C5: variants seen among roughly 807,000 people sequenced by gnomAD.
C5 encodes the protein complement C5, also known as C3 and PZP-like alpha-2-macroglobulin domain-containing protein 4.
Under a neutral mutation model 218.8 loss-of-function variants are expected in C5, and 140 were observed. The observed-to-expected ratio is 0.64, with a 90% CI of 0.56 to 0.74. The LOEUF (loss-of-function observed/expected upper bound fraction) is 0.74. Among genes scored for constraint, C5 ranks in the 30% least tolerant of loss-of-function variants. The probability of loss-of-function intolerance (pLI) is 0.00; values close to 1 mark genes in which losing one functional copy is unlikely to be tolerated. For synonymous variants in C5, 614 were observed against 682.3 expected (o/e 0.90, Z 1.56); for missense variants, 1,700 against 1,969.6 (o/e 0.86, Z 2.59).
intron 19 of C5, among the ~76,000 whole-genome samples, chr9:121,006,388 C>T (rs2047215859): frequency 6.6e-6 from 1 of 152,044 alleles, no homozygotes; most frequent in Non-Finnish European, 1.5e-5. Flanking sequence ...ATTGTGGAAA[C>T]CAAGATTTTA....
At chr9:121,067,472 G>A in the C5 span, among the ~76,000 whole-genome samples, 1 of 151,824 alleles carries the variant, frequency 6.6e-6, no homozygotes, top group South Asian at 2.1e-4. Flanking sequence ...GCTGAGGCAG[G>A]AGAATCACTT....
the C5 span, among the ~76,000 whole-genome samples, chr9:121,056,599 A>C: frequency 1.3e-5 from 2 of 152,160 alleles, no homozygotes; most frequent in Non-Finnish European, 2.9e-5. Context: ...AATGCACTGG[A>C]GTCTCTCAAT....
chr9:121,060,800 A>G, the C5 span, among the ~76,000 whole-genome samples: 1 of 152,224 alleles, frequency 6.6e-6, no homozygotes, highest in South Asian at 2.1e-4. Flanking sequence ...CAGCAGCAGA[A>G]GTCACTTGAT....
At chr9:121,003,956 C>T (rs1351860005) in intron 20 of C5, among the ~76,000 whole-genome samples, 1 of 152,106 alleles carries the variant, frequency 6.6e-6, no homozygotes, top group Non-Finnish European at 1.5e-5. Flanking sequence ...GCAAGCTCCG[C>T]CTCCCGGGTT....
chr9:120,980,129 C>T lies in C5; in HGVS notation c.3612G>A (p.Gln1204=), dbSNP rs769648736. The T allele has an allele frequency of 6.2e-6, 10 of 1,614,082 alleles. No homozygotes were observed. The highest frequency in any genetic ancestry group is 8.5e-6 in the Non-Finnish European group (10 of 1,180,010). The change falls in exon 28 of 41, where the codon CAG becomes CAA. Residue 1204 remains glutamine (Q), a synonymous_variant. Transcript: ENST00000223642. ...TCAAAGCTGAAACAATTGAACGAAA[C>T]TGTGGGTGAGTTTTATCTCCCAGGG... ...ALSLGDKTHP[Q]FRSIVSALKR...
At position 121,043,026 on chromosome 9, in the gene C5, A is replaced by AG; in HGVS notation, c.398dup (p.Val134CysfsTer11). ...TACCTGACTGGTCTGGAGTATAAAC[A>AG]GGTTTGTCTGTATGAATGAAGAGAA... On this transcript the variant is annotated frameshift_variant, in exon 3 of 41. Transcript: ENST00000223642. LOFTEE classifies it high-confidence loss of function. 1 of 1,612,810 alleles carries AG rather than the reference A, an allele frequency of 6.2e-7. No individual in the cohort carries two copies. The highest frequency in any genetic ancestry group is 1.3e-5 in the African/African-American group (1 of 75,002).
At chr9:121,013,348 A>C (rs2047279093) in intron 17 of C5, among the ~76,000 whole-genome samples, 1 of 151,986 alleles carries the variant, frequency 6.6e-6, no homozygotes, top group South Asian at 2.1e-4. Flanking sequence ...CTATATATAA[A>C]GTCCTAAAAG....
intron 17 of C5, among the ~76,000 whole-genome samples, chr9:121,013,193 G>A (rs1459350172): frequency 1.3e-5 from 2 of 151,816 alleles, no homozygotes; most frequent in African/African-American, 2.4e-5. Context: ...GGTGGCAGGC[G>A]CCTTTAATCC....
intron 36 of C5, 108 bp downstream of exon 36, chr9:120,962,563 C>G: frequency 2.3e-6 from 2 of 855,164 alleles, no homozygotes; most frequent in Non-Finnish European, 4.1e-6. Flanking sequence ...AAGAGTGGTC[C>G]CTAAGAGAGG....
intron 27 of C5, 151 bp from the exon 28 acceptor site, chr9:120,980,405 C>A (rs2131695909): frequency 1.4e-6 from 1 of 704,878 alleles, no homozygotes; most frequent in East Asian, 2.7e-5. Flanking sequence ...CTCAGTGAAG[C>A]AAATCCCTCC....
chr9:120,980,362 A>G (rs1564138376), intron 27 of C5, 108 bp from the exon 28 acceptor site: 10 of 906,180 alleles, frequency 1.1e-5, no homozygotes, highest in East Asian at 7.4e-5. Context: ...ATGGGGGTGA[A>G]AAGAGGACTG....
intron 2 of C5, among the ~76,000 whole-genome samples, chr9:121,045,919 C>A (rs984574537): frequency 1.3e-4 from 20 of 152,120 alleles, no homozygotes; most frequent in African/African-American, 4.8e-4. Context: ...CAATTATCTC[C>A]AAATATTTTC....
At chr9:120,974,265 A>G (rs2046935775) in intron 30 of C5, among the ~76,000 whole-genome samples, 1 of 152,126 alleles carries the variant, frequency 6.6e-6, no homozygotes, top group Non-Finnish European at 1.5e-5. Flanking sequence ...GGAGCTGGGG[A>G]CCCTAAAGGC....
chr9:120,961,452 T>A (rs760105449), intron 37 of C5, 30 bp downstream of exon 37: 2 of 1,417,718 alleles, frequency 1.4e-6, no homozygotes, highest in South Asian at 2.3e-5. Flanking sequence ...TAAATAAGCA[T>A]GCAGCCTAAA....
intron 8 of C5, 106 bp downstream of exon 8, chr9:121,027,054 A>C: frequency 1.4e-6 from 1 of 728,226 alleles, no homozygotes; most frequent in Admixed American, 2.0e-5. Context: ...TTTAAGTTTC[A>C]ACCTATCTAA....
At position 120,963,670 on chromosome 9, in the gene C5, G is replaced by A. The variant is rs767292179; in HGVS notation, c.4289C>T (p.Thr1430Ile). 12 of 1,613,760 alleles carry A rather than the reference G, an allele frequency of 7.4e-6. No homozygotes were observed. The South Asian group carries it at 9.9e-5, about 13-fold the overall frequency. Residue 1430 changes from threonine (T) to isoleucine (I), a missense_variant, in exon 34 of 41, where the codon ACT (threonine) becomes ATT (isoleucine). Transcript: ENST00000223642. ...SHAVMDISLP[T>I]GISANEEDLK... ...GTCTTCTTCATTTGCACTGATTCCA[G>A]TAGGCAAGGAGATGTCCATCACCGC...
chr9:121,063,856 A>G, the C5 span, among the ~76,000 whole-genome samples: 3 of 152,206 alleles, frequency 2.0e-5, no homozygotes, highest in Admixed American at 6.5e-5. Flanking sequence ...ATAAAAAGTT[A>G]GTGATTTATT....
intron 31 of C5, among the ~76,000 whole-genome samples, chr9:120,970,765 G>A (rs1016766788): frequency 1.3e-5 from 2 of 152,202 alleles, no homozygotes; most frequent in African/African-American, 4.8e-5. Context: ...AGTCCTTGAA[G>A]GAATGAATGC....
the C5 span, among the ~76,000 whole-genome samples, chr9:121,069,772 C>T: frequency 1.2e-3 from 184 of 152,142 alleles, 2 homozygotes; most frequent in South Asian, 4.6e-3. Flanking sequence ...CCTCAGCCTC[C>T]CAAAGTGCTG....
Sources: gnomAD v4.1 joint callset for allele counts (sites outside exome capture counted in the v4.1 genomes callset) on GRCh38, gnomAD v4.1.1 for gene constraint, MANE v1.5 for transcripts, NCBI Gene and HGNC (gene_info 2026-07-23, HGNC 2026-07-21) for gene names.